RAB3GAP1: variants seen among roughly 807,000 people sequenced by gnomAD.
RAB3GAP1 encodes RAB3 GTPase activating protein catalytic subunit 1.
In RAB3GAP1, 86 loss-of-function variants were observed where a neutral mutation model predicts 130.7. The observed-to-expected ratio is 0.66, with a 90% confidence interval of 0.55 to 0.79. The LOEUF (loss-of-function observed/expected upper bound fraction) is 0.79. Among genes scored for constraint, RAB3GAP1 ranks in the 30% least tolerant of loss-of-function variants. The pLI, the probability that RAB3GAP1 is intolerant of heterozygous loss-of-function variation, is 0.00. For missense variants in RAB3GAP1, 1,029 were observed against 1,169.4 expected, an observed-to-expected ratio of 0.88 and a Z score of 1.75; for synonymous variants, 367 against 401.7, an observed-to-expected ratio of 0.91 and a Z score of 1.03.
At chr2:135,101,595 G>A (rs993795339) in intron 5 of RAB3GAP1, among the ~76,000 whole-genome samples, 13 of 151,976 alleles carry the variant, frequency 8.6e-5, no homozygotes, top group South Asian at 2.1e-4. Flanking sequence ...AGATCTTCTC[G>A]TTTCAGTTTT....
chr2:135,103,938 G>A (rs940615281), intron 5 of RAB3GAP1, among the ~76,000 whole-genome samples: 9 of 152,306 alleles, frequency 5.9e-5, no homozygotes, highest in Admixed American at 2.6e-4. Context: ...TAGATGACAG[G>A]AAAACTACAT....
At chr2:135,156,613 A>T (rs768156977) in intron 19 of RAB3GAP1, among the ~76,000 whole-genome samples, 1 of 152,220 alleles carries the variant, frequency 6.6e-6, no homozygotes, top group African/African-American at 2.4e-5. Flanking sequence ...TTGGGAAAAG[A>T]GTGGAATAGA....
At chr2:135,122,432 G>A (rs1691232387) in intron 8 of RAB3GAP1, among the ~76,000 whole-genome samples, 1 of 152,158 alleles carries the variant, frequency 6.6e-6, no homozygotes, top group African/African-American at 2.4e-5. Context: ...CTAAGGTAGT[G>A]TGGTCTGCTC....
chr2:135,079,271 C>T (rs1159904077), intron 3 of RAB3GAP1, among the ~76,000 whole-genome samples: 1 of 152,176 alleles, frequency 6.6e-6, no homozygotes, highest in Non-Finnish European at 1.5e-5. Context: ...CAGGACTAAG[C>T]CACCACACCT....
Position 135,163,003 on chromosome 2 carries a change from T to G in RAB3GAP1, c.2508T>G (p.Ile836Met). The change falls in exon 22 of 24, where the codon ATT (isoleucine) becomes ATG (methionine). Residue 836 changes from isoleucine (I) to methionine (M), a missense_variant. By Grantham distance (10) the Ile-to-Met change is conservative. This residue lies in a region of RAB3GAP1 where 373 missense variants were observed against 493.6 expected (regional missense o/e 0.76). Coordinates refer to ENST00000264158, the MANE Select transcript of RAB3GAP1 (RefSeq NM_012233.3). ...ACCGCCAGGAAATCATTCACCAGATTACTAATGTGGAAGCTCTCATTGCCA... is the reference window on the plus strand; with the variant it reads ...ACCGCCAGGAAATCATTCACCAGATGACTAATGTGGAAGCTCTCATTGCCA... ...DKKLEEIIHQ[I>M]TNVEALIARA... The G allele has an allele frequency of 6.2e-7, 1 of 1,613,644 alleles. No individual in the cohort carries two copies. The highest frequency in any genetic ancestry group is 8.5e-7 in the Non-Finnish European group (1 of 1,179,562).
intron 3 of RAB3GAP1, among the ~76,000 whole-genome samples, chr2:135,069,514 G>A (rs1029026567): frequency 5.3e-5 from 8 of 151,880 alleles, no homozygotes; most frequent in African/African-American, 1.9e-4. Flanking sequence ...TTATGGATGA[G>A]TCATTTTCTA....
intron 7 of RAB3GAP1, among the ~76,000 whole-genome samples, chr2:135,117,447 TCTTCTTCTGCTTCTGCTTCTG>T (rs1691008503): frequency 1.8e-5 from 1 of 55,402 alleles, no homozygotes; most frequent in Admixed American, 2.3e-4. Flanking sequence ...TTCTTCTTCT[TCTTCTTCTGCTTCTGCTTCTG>T]CTTCTGCTTC....
chr2:135,141,419 T>C (rs1431892612), intron 17 of RAB3GAP1, among the ~76,000 whole-genome samples: 1 of 151,848 alleles, frequency 6.6e-6, no homozygotes, highest in Admixed American at 6.6e-5. Context: ...AGAGATGGGG[T>C]TTCACTATGT....
chr2:135,120,331 CT>C (rs768621734), intron 7 of RAB3GAP1, among the ~76,000 whole-genome samples: 8 of 152,018 alleles, frequency 5.3e-5, no homozygotes, highest in East Asian at 1.9e-4. Context: ...GTTTTTGAAA[CT>C]TTTTTTTAGC....
At chr2:135,090,593 G>T (rs1368024789) in intron 3 of RAB3GAP1, among the ~76,000 whole-genome samples, 1 of 152,146 alleles carries the variant, frequency 6.6e-6, no homozygotes, top group Non-Finnish European at 1.5e-5. Context: ...GATAAAAGAA[G>T]CAGGAATCTG....
At chr2:135,144,187 G>T (rs941798776) in intron 17 of RAB3GAP1, among the ~76,000 whole-genome samples, 1 of 152,186 alleles carries the variant, frequency 6.6e-6, no homozygotes, top group East Asian at 1.9e-4. Context: ...AGTGGGTCCC[G>T]AGTTCTTGTC....
chr2:135,141,365 C>CA lies in RAB3GAP1; in HGVS notation c.1923+5434dup, dbSNP rs896545056. Among the ~76,000 whole-genome samples, 9 of 151,932 alleles carry CA rather than the reference C, an allele frequency of 5.9e-5. 1 individual carries two copies. Among genetic ancestry groups the CA allele is most frequent in the Non-Finnish European group, 1.2e-4 (8 of 67,964 alleles). On this transcript the variant is annotated intron_variant, in intron 17 of 23. Coordinates refer to ENST00000264158, the MANE Select transcript of RAB3GAP1 (RefSeq NM_012233.3). ...TCAGCCTCCCGAGTAGCTGGGACTA[C>CA]AGGAGTGTGCCACCATACCTGGCTA...
chr2:135,091,988 C>T (rs998712437), intron 4 of RAB3GAP1, among the ~76,000 whole-genome samples: 3 of 152,124 alleles, frequency 2.0e-5, no homozygotes, highest in African/African-American at 7.2e-5. Context: ...TAAGCTCAGA[C>T]CTGAAAAAAT....
At chr2:135,142,458 G>A (rs1032833974) in intron 17 of RAB3GAP1, among the ~76,000 whole-genome samples, 4 of 152,046 alleles carry the variant, frequency 2.6e-5, no homozygotes, top group South Asian at 2.1e-4. Context: ...CAATCATGTC[G>A]TCTTTTAGTA....
At position 135,072,986 on chromosome 2, in the gene RAB3GAP1, G is replaced by T. The variant is rs146794313; in HGVS notation, c.150+14900G>T. 6.8e-3 allele frequency among the ~76,000 whole-genome samples: 1,039 copies of T among 152,306 alleles called. 8 individuals are homozygous for T. The highest frequency in any genetic ancestry group is 0.027 in the Middle Eastern group (8 of 294). On this transcript the variant is annotated intron_variant, in intron 3 of 23. Coordinates refer to ENST00000264158, the MANE Select transcript of RAB3GAP1 (RefSeq NM_012233.3). Reference sequence around the variant, plus strand: ...GTGTGGGCTATTTTTAAGCCCAGGGGTAGGACTATGTAGGTTGAAGTTACT... The same window carrying T: ...GTGTGGGCTATTTTTAAGCCCAGGGTTAGGACTATGTAGGTTGAAGTTACT...
At chr2:135,070,566 G>T (rs1359396735) in intron 3 of RAB3GAP1, among the ~76,000 whole-genome samples, 1 of 152,066 alleles carries the variant, frequency 6.6e-6, no homozygotes, top group Non-Finnish European at 1.5e-5. Context: ...GGAGTGCAGT[G>T]GCGCAATCTC....
At position 135,091,030 on chromosome 2, in the gene RAB3GAP1, A is replaced by G; in HGVS notation, c.183A>G (p.Lys61=). 1 of 1,612,544 alleles carries G rather than the reference A, an allele frequency of 6.2e-7. No homozygotes were observed. Among genetic ancestry groups the G allele is most frequent in the Non-Finnish European group, 8.5e-7 (1 of 1,178,780 alleles). Reference sequence around the variant, plus strand: ...TTACTTCTGGCACATGGGAAGAGAAATCAGATGAAATTTCCTTTGCTGACT... The same window carrying G: ...TTACTTCTGGCACATGGGAAGAGAAGTCAGATGAAATTTCCTTTGCTGACT... ...GIFTSGTWEE[K]SDEISFADFK... is the part of the protein sequence containing the mutation. The change falls in exon 4 of 24, where the codon AAA becomes AAG. Residue 61 remains lysine, a synonymous_variant. Transcript: ENST00000264158.
chr2:135,080,395 T>TA (rs1434816131), intron 3 of RAB3GAP1, among the ~76,000 whole-genome samples: 1 of 152,158 alleles, frequency 6.6e-6, no homozygotes, highest in Non-Finnish European at 1.5e-5. Flanking sequence ...GAGAAGATCA[T>TA]ATATACAGAG....
chr2:135,103,035 A>ATTTTTTTTTTTTTTTTTTTTTTTT (rs539310402), intron 5 of RAB3GAP1, among the ~76,000 whole-genome samples: 7 of 90,886 alleles, frequency 7.7e-5, no homozygotes, highest in African/African-American at 2.7e-4. Flanking sequence ...CATTTTTGTG[A>ATTTTTTTTTTTTTTTTTTTTTTTT]TTTTTTTTTT....
Sources: allele counts gnomAD v4.1 joint callset (sites outside exome capture counted in the v4.1 genomes callset), GRCh38; gene constraint gnomAD v4.1.1; regional missense constraint gnomAD v4.1.1; transcripts MANE v1.5; gene names NCBI Gene and HGNC (gene_info 2026-07-23, HGNC 2026-07-21).